The following CACNB2 variants were observed in gnomAD, a reference collection of about 807,000 sequenced individuals.
CACNB2 encodes calcium voltage-gated channel auxiliary subunit beta 2.
Under a neutral mutation model 73.3 loss-of-function variants are expected in CACNB2, and 42 were observed. The ratio of observed to expected loss-of-function variants is 0.57; its 90% CI spans 0.45 to 0.74. The LOEUF (loss-of-function observed/expected upper bound fraction) is 0.74, where lower values mean the gene tolerates loss of function less well. CACNB2 is among the 30% of genes least tolerant of loss of function. CACNB2 has a pLI of 0.00. For missense variants in CACNB2, 940 were observed against 853.0 expected (o/e 1.10, Z -1.27); for synonymous variants, 348 against 310.3 (o/e 1.12, Z -1.28).
intron 2 of CACNB2, among the ~76,000 whole-genome samples, chr10:18,398,212 C>T (rs1418779778): frequency 6.6e-6 from 1 of 152,196 alleles, no homozygotes; most frequent in East Asian, 1.9e-4. Context: ...AGGAGATTAA[C>T]TGTAAGGCAT....
Position 18,542,107 on chromosome 10 carries a change from T to C in CACNB2, c.*2383T>C, listed in dbSNP as rs908691805. On this transcript the variant is annotated 3_prime_UTR_variant, in exon 14 of 14. Coordinates refer to ENST00000324631, the MANE Select transcript of CACNB2 (RefSeq NM_201596.3). ...TACTTGGGAGGCTGAGATAGGAGGA[T>C]CCCTTGAGCCCAGGAGGTGGAGGCT... 5.3e-5 allele frequency: 8 copies of C among 152,110 alleles called. No homozygotes were observed. In the East Asian group the frequency reaches 1.5e-3, roughly 29 times the overall value. The allele number at this position is 152,110 out of a possible 1,614,324, so 9.4% of individuals were successfully genotyped here.
intron 3 of CACNB2, among the ~76,000 whole-genome samples, chr10:18,421,526 C>A (rs958646728): frequency 1.3e-5 from 2 of 152,064 alleles, no homozygotes; most frequent in African/African-American, 4.8e-5. Context: ...TCTCAAACTC[C>A]CGACCTCAGG....
At chr10:18,318,027 A>G (rs988479614) in intron 2 of CACNB2, among the ~76,000 whole-genome samples, 7 of 152,338 alleles carry the variant, frequency 4.6e-5, no homozygotes, top group African/African-American at 1.7e-4. Flanking sequence ...AAGATTCAAT[A>G]TCGTGAAAAT....
intron 2 of CACNB2, among the ~76,000 whole-genome samples, chr10:18,236,170 G>A (rs113364856): frequency 6.6e-5 from 10 of 152,176 alleles, no homozygotes; most frequent in African/African-American, 1.7e-4. Flanking sequence ...CTAATAAACA[G>A]GACTTCTGAT....
chr10:18,148,256 A>G (rs2031189134), intron 1 of CACNB2, among the ~76,000 whole-genome samples: 1 of 152,240 alleles, frequency 6.6e-6, no homozygotes, highest in Admixed American at 6.5e-5. Context: ...TACTTTAAAT[A>G]AATCATCCCT....
chr10:18,294,380 A>T (rs2039191615), intron 2 of CACNB2, among the ~76,000 whole-genome samples: 5 of 152,216 alleles, frequency 3.3e-5, no homozygotes, highest in Admixed American at 1.3e-4. Context: ...TCCTGGTACA[A>T]GGGTTCGACA....
intron 5 of CACNB2, among the ~76,000 whole-genome samples, chr10:18,502,731 GT>G (rs2050276250): frequency 7.6e-6 from 1 of 132,356 alleles, no homozygotes; most frequent in South Asian, 2.6e-4. Flanking sequence ...AAAACCGCAT[GT>G]TTTTACTTAT....
chr10:18,404,477 A>G (rs1027449784), intron 3 of CACNB2, among the ~76,000 whole-genome samples: 23 of 152,192 alleles, frequency 1.5e-4, no homozygotes, highest in African/African-American at 5.3e-4. Context: ...AAACATAACA[A>G]TTCATGCTAT....
chr10:18,489,761 TAGA>T (rs1299230028), intron 3 of CACNB2, among the ~76,000 whole-genome samples: 2 of 152,228 alleles, frequency 1.3e-5, no homozygotes, highest in Non-Finnish European at 2.9e-5. Context: ...AAGAAGGACC[TAGA>T]AGAAGAGAAT....
chr10:18,211,799 T>C (rs1265259367), intron 2 of CACNB2, among the ~76,000 whole-genome samples: 1 of 152,122 alleles, frequency 6.6e-6, no homozygotes, highest in Non-Finnish European at 1.5e-5. Flanking sequence ...GAGTATTCCG[T>C]GGCGTGAATG....
At chr10:18,256,680 C>T (rs552612537) in intron 2 of CACNB2, 2 of 152,358 alleles carry the variant, frequency 1.3e-5, no homozygotes, top group Admixed American at 1.3e-4. Flanking sequence ...GTGGCTCAGG[C>T]CTCTAATCCC....
intron 3 of CACNB2, among the ~76,000 whole-genome samples, chr10:18,477,995 C>G (rs1045154063): frequency 6.6e-6 from 1 of 152,096 alleles, no homozygotes; most frequent in Non-Finnish European, 1.5e-5. Context: ...AGTGCAAAGG[C>G]GCCATCTCGG....
intron 2 of CACNB2, among the ~76,000 whole-genome samples, chr10:18,281,484 T>C (rs894355560): frequency 5.9e-5 from 9 of 152,124 alleles, no homozygotes; most frequent in Admixed American, 2.6e-4. Flanking sequence ...CTTAGTAATC[T>C]CCAAGGACCT....
At chr10:18,260,418 T>C (rs1245349427) in intron 2 of CACNB2, 1 of 985,226 alleles carries the variant, frequency 1.0e-6, no homozygotes, top group Non-Finnish European at 1.2e-6. Context: ...TTATTTAACA[T>C]GCTTTAACCC....
intron 3 of CACNB2, among the ~76,000 whole-genome samples, chr10:18,420,825 A>T (rs965928559): frequency 6.6e-6 from 1 of 152,318 alleles, no homozygotes; most frequent in East Asian, 1.9e-4. Flanking sequence ...TTGGACCATT[A>T]TCTGTAGGAA....
chr10:18,444,247 CT>C (rs1197027955), intron 3 of CACNB2, among the ~76,000 whole-genome samples: 1 of 152,084 alleles, frequency 6.6e-6, no homozygotes, highest in Non-Finnish European at 1.5e-5. Flanking sequence ...CCCCAGAGAG[CT>C]TCCTCATCCT....
intron 2 of CACNB2, among the ~76,000 whole-genome samples, chr10:18,243,939 C>G (rs1214843249): frequency 6.6e-6 from 1 of 152,232 alleles, no homozygotes; most frequent in Non-Finnish European, 1.5e-5. Context: ...GCTTTGGTAT[C>G]TGAGAGTGCT....
At chr10:18,324,234 G>T (rs2040499258) in intron 2 of CACNB2, among the ~76,000 whole-genome samples, 1 of 152,186 alleles carries the variant, frequency 6.6e-6, no homozygotes, top group Non-Finnish European at 1.5e-5. Context: ...CATACATGGG[G>T]TGGCTGGTGC....
intron 3 of CACNB2, among the ~76,000 whole-genome samples, chr10:18,472,321 C>G (rs982594075): frequency 2.0e-5 from 3 of 146,480 alleles, no homozygotes; most frequent in African/African-American, 7.6e-5. Context: ...ACTGCAACCT[C>G]TACCTCCTGG....
Sources: allele counts gnomAD v4.1 joint callset (sites outside exome capture counted in the v4.1 genomes callset), GRCh38; gene constraint gnomAD v4.1.1; transcripts MANE v1.5; gene names NCBI Gene and HGNC (gene_info 2026-07-23, HGNC 2026-07-21).